Variants in ADAMTSL1 observed in about 807,000 individuals in gnomAD.
The protein encoded by ADAMTSL1 is ADAMTS like 1.
Under a neutral mutation model 201.8 loss-of-function variants are expected in ADAMTSL1, and 126 were observed. That is an observed-to-expected ratio of 0.62 (90% CI 0.54 to 0.72). ADAMTSL1 has a LOEUF of 0.72. ADAMTSL1 is among the 30% of genes least tolerant of loss of function. ADAMTSL1 has a pLI of 0.00. For missense variants in ADAMTSL1, 2,679 were observed against 2,277.8 expected, an observed-to-expected ratio of 1.18 and a Z score of -3.59; for synonymous variants, 1,121 against 903.4, an observed-to-expected ratio of 1.24 and a Z score of -4.32.
At chr9:18,813,487 T>A (rs1055577031) in intron 20 of ADAMTSL1, among the ~76,000 whole-genome samples, 4 of 152,234 alleles carry the variant, frequency 2.6e-5, no homozygotes, top group African/African-American at 9.6e-5. Flanking sequence ...ATTTGTGTCC[T>A]TTTCAATTTC....
At chr9:18,062,260 G>A (rs1822490497) in intron 1 of ADAMTSL1, among the ~76,000 whole-genome samples, 1 of 152,150 alleles carries the variant, frequency 6.6e-6, no homozygotes, top group African/African-American at 2.4e-5. Flanking sequence ...AGGAGTGCTA[G>A]AGAATATGCT....
intron 1 of ADAMTSL1, among the ~76,000 whole-genome samples, chr9:18,024,048 T>C (rs1185053220): frequency 6.6e-6 from 1 of 152,104 alleles, no homozygotes; most frequent in Non-Finnish European, 1.5e-5. Context: ...TCTTCTTCTC[T>C]GTCATCAGTT....
chr9:17,999,220 C>A (rs1056018993), intron 1 of ADAMTSL1, among the ~76,000 whole-genome samples: 3 of 151,772 alleles, frequency 2.0e-5, no homozygotes, highest in Non-Finnish European at 4.4e-5. Flanking sequence ...AGAAACAATT[C>A]CTTTGTAGTT....
At chr9:18,642,767 C>G (rs1217226612) in intron 7 of ADAMTSL1, among the ~76,000 whole-genome samples, 1 of 151,924 alleles carries the variant, frequency 6.6e-6, no homozygotes, top group Non-Finnish European at 1.5e-5. Flanking sequence ...GGATTTTCTT[C>G]TTTTTTCAAA....
At chr9:18,414,228 T>C (rs1485869380) in intron 2 of ADAMTSL1, among the ~76,000 whole-genome samples, 1 of 152,200 alleles carries the variant, frequency 6.6e-6, no homozygotes, top group African/African-American at 2.4e-5. Flanking sequence ...ATCTGAGATG[T>C]CACATAAAAT....
At chr9:18,050,441 TAAAA>T (rs942926142) in intron 1 of ADAMTSL1, among the ~76,000 whole-genome samples, 1 of 151,962 alleles carries the variant, frequency 6.6e-6, no homozygotes, top group Non-Finnish European at 1.5e-5. Context: ...GTAAGAAAAA[TAAAA>T]AAATTATTAT....
chr9:18,319,992 G>A (rs886399243), intron 2 of ADAMTSL1, among the ~76,000 whole-genome samples: 1 of 152,152 alleles, frequency 6.6e-6, no homozygotes, highest in African/African-American at 2.4e-5. Flanking sequence ...AGCTTTGAAG[G>A]TAGAGGATGG....
At chr9:18,597,918 G>A (rs1467570693) in intron 4 of ADAMTSL1, among the ~76,000 whole-genome samples, 1 of 152,104 alleles carries the variant, frequency 6.6e-6, no homozygotes, top group Non-Finnish European at 1.5e-5. Context: ...ATCCACCCAG[G>A]CCCTAAAATT....
intron 3 of ADAMTSL1, among the ~76,000 whole-genome samples, chr9:18,569,101 G>A (rs1488172243): frequency 6.6e-6 from 1 of 152,184 alleles, no homozygotes; most frequent in Non-Finnish European, 1.5e-5. Flanking sequence ...CACCCGGTGA[G>A]TAAACTGGGA....
At chr9:18,750,788 G>A (rs1373977195) in intron 15 of ADAMTSL1, among the ~76,000 whole-genome samples, 1 of 152,194 alleles carries the variant, frequency 6.6e-6, no homozygotes, top group Non-Finnish European at 1.5e-5. Flanking sequence ...TCCTGAGGTT[G>A]CAGTTATCTA....
intron 2 of ADAMTSL1, among the ~76,000 whole-genome samples, chr9:18,261,730 G>A (rs920111791): frequency 1.7e-4 from 26 of 152,156 alleles, no homozygotes; most frequent in African/African-American, 6.0e-4. Flanking sequence ...TTACACTGCA[G>A]GGGTGCTAAC....
intron 1 of ADAMTSL1, among the ~76,000 whole-genome samples, chr9:18,150,164 G>C (rs985166518): frequency 6.6e-6 from 1 of 152,028 alleles, no homozygotes; most frequent in Non-Finnish European, 1.5e-5. Context: ...TATCAGTGCT[G>C]TCTGTTTCCA....
intron 1 of ADAMTSL1, among the ~76,000 whole-genome samples, chr9:18,117,574 T>C (rs930737207): frequency 2.6e-5 from 4 of 152,146 alleles, no homozygotes; most frequent in Admixed American, 2.6e-4. Flanking sequence ...AAACTAGGAC[T>C]CCCACTACTC....
At chr9:18,120,276 G>C (rs143667625) in intron 1 of ADAMTSL1, among the ~76,000 whole-genome samples, 3 of 152,224 alleles carry the variant, frequency 2.0e-5, no homozygotes, top group Non-Finnish European at 4.4e-5. Flanking sequence ...TTGGCCCAGA[G>C]TGAGTGATTC....
chr9:18,150,413 A>G (rs769650194), intron 1 of ADAMTSL1, among the ~76,000 whole-genome samples: 2 of 152,070 alleles, frequency 1.3e-5, no homozygotes, highest in African/African-American at 4.8e-5. Context: ...GAAAATGCCT[A>G]TTACATTTGG....
At chr9:18,531,482 T>C (rs6475226) in intron 2 of ADAMTSL1, among the ~76,000 whole-genome samples, 39,186 of 152,118 alleles carry the variant, frequency 0.26, 5,458 homozygotes, top group East Asian at 0.63. Flanking sequence ...TCCTTATTTC[T>C]ATGGTTTCAA....
chr9:18,328,272 T>C (rs1352041712), intron 2 of ADAMTSL1, among the ~76,000 whole-genome samples: 1 of 152,232 alleles, frequency 6.6e-6, no homozygotes, highest in Non-Finnish European at 1.5e-5. Context: ...GTTCTTATTA[T>C]ATGTATGTTT....
At position 18,841,042 on chromosome 9, in the gene ADAMTSL1, G is replaced by A. The variant is rs11506213; in HGVS notation, c.4249+11065G>A. 4.7e-3 allele frequency among the ~76,000 whole-genome samples: 663 copies of A among 141,634 alleles called. 13 individuals are homozygous for A. The highest frequency in any genetic ancestry group is 0.014 in the African/African-American group (544 of 37,582). The allele number at this position is 141,634 out of a possible 152,430, so 92.9% of individuals were successfully genotyped here. A position where few individuals can be genotyped will look rare whatever the true frequency, so the allele number is the denominator to read the frequency against. On this transcript the variant is annotated intron_variant, in intron 23 of 28. Coordinates refer to ENST00000380548, the MANE Select transcript of ADAMTSL1 (RefSeq NM_001040272.6). ...ATACCCTTTATTTCCTTCTCCTGCC[G>A]AATTGCCCTGGCCAGAACTTCCAAC...
At chr9:18,436,693 G>A (rs1334305770) in intron 2 of ADAMTSL1, among the ~76,000 whole-genome samples, 2 of 152,114 alleles carry the variant, frequency 1.3e-5, no homozygotes, top group Non-Finnish European at 1.5e-5. Context: ...CTCTCTATGA[G>A]TAATTGATGC....
Sources: allele counts gnomAD v4.1 joint callset (sites outside exome capture counted in the v4.1 genomes callset), GRCh38; gene constraint gnomAD v4.1.1; transcripts MANE v1.5; gene names NCBI Gene and HGNC (gene_info 2026-07-23, HGNC 2026-07-21).